The following CHD4 variants were observed in gnomAD, a reference collection of about 807,000 sequenced individuals.
The protein encoded by CHD4 is chromodomain helicase DNA binding protein 4, also known as ATP-dependent chromatin remodeler CHD4.
In CHD4, 35 loss-of-function variants were observed where a neutral mutation model predicts 235.5. The ratio of observed to expected loss-of-function variants is 0.15; its 90% CI spans 0.11 to 0.20. The LOEUF (loss-of-function observed/expected upper bound fraction) is 0.20, where lower values mean the gene tolerates loss of function less well. CHD4 is among the 10% of genes least tolerant of loss of function. The pLI is 1.00. For missense variants in CHD4, 1,329 were observed against 2,432.3 expected (o/e 0.55, Z 9.54); for synonymous variants, 900 against 850.2 (o/e 1.06, Z -1.02).
intron 25 of CHD4, among the ~76,000 whole-genome samples, chr12:6,586,385 A>G (rs1948295143): frequency 3.9e-5 from 6 of 152,186 alleles, no homozygotes; most frequent in Admixed American, 3.9e-4. Flanking sequence ...TGGGGGAGAG[A>G]GTGAGATTCC....
intron 12 of CHD4, among the ~76,000 whole-genome samples, chr12:6,596,526 G>A (rs533877061): frequency 2.0e-4 from 30 of 152,154 alleles, no homozygotes; most frequent in Non-Finnish European, 3.8e-4. Flanking sequence ...CAGGCCGGGC[G>A]CGGTGGCTCA....
Position 6,601,981 on chromosome 12 carries a change from C to A in CHD4, c.417G>T (p.Glu139Asp), listed in dbSNP as rs1639122. ...GCACCTTTGAATCATCATCATCATC[C>A]TCCTCCTCCTCCTCCTCCTTCCGCT... Reference protein sequence around the residue: ...KSKRKEEEEEEDDDDDSKEPK... With the variant: ...KSKRKEEEEEDDDDDDSKEPK... The change falls in exon 4 of 40, where the codon GAG (glutamate) becomes GAT (aspartate). Residue 139 changes from glutamate to aspartate, a missense_variant. This residue lies in a region of CHD4 where 213 missense variants were observed against 177.5 expected (regional missense o/e 1.20). Coordinates refer to ENST00000544040, the MANE Select transcript of CHD4 (RefSeq NM_001273.5). The A allele has an allele frequency of 0.43, 671,193 of 1,554,978 alleles. 133,688 individuals are homozygous for A. The highest frequency in any genetic ancestry group is 0.81 in the African/African-American group (59,314 of 72,872).
chr12:6,598,177 C>T (rs1948531691), intron 11 of CHD4, 45 bp downstream of exon 11: 2 of 1,609,548 alleles, frequency 1.2e-6, no homozygotes, highest in South Asian at 1.1e-5. Context: ...TTGTCACTAT[C>T]CTCTTCATCG....
At chr12:6,583,533 T>C (rs1948229718) in intron 25 of CHD4, 155 bp from the exon 26 acceptor site, 2 of 633,432 alleles carry the variant, frequency 3.2e-6, no homozygotes, top group South Asian at 2.1e-5. Context: ...AGAAGAAATT[T>C]GATTGAGAGT....
intron 10 of CHD4, among the ~76,000 whole-genome samples, chr12:6,599,037 T>C (rs955095676): frequency 6.6e-6 from 1 of 152,230 alleles, no homozygotes; most frequent in African/African-American, 2.4e-5. Flanking sequence ...ACAGAGCCAG[T>C]AGTTAGACTT....
rs939184945 is a variant in CHD4, at chr12:6,606,193, C to A, written c.100+81G>T. ...TCTGCACAGAGACAGCGGAGCAACA[C>A]AGCCCTGCCTCACCAGAGGAGTCAC... On this transcript the variant is annotated intron_variant, in intron 2 of 39. Coordinates refer to ENST00000544040, the MANE Select transcript of CHD4 (RefSeq NM_001273.5). The A allele has an allele frequency of 4.2e-6, 4 of 951,790 alleles. No individual in the cohort carries two copies. The East Asian group carries it at 1.1e-4, about 27-fold the overall frequency. 59.0% of individuals were successfully genotyped at this position (951,790 alleles called of 1,614,324 possible).
Position 6,577,812 on chromosome 12 carries a change from C to T in CHD4, c.5334G>A (p.Lys1778=), listed in dbSNP as rs747010374. ...EMNRGNFLEI[K]NKFLARRFKL... is the part of the protein sequence containing the mutation. ...TAAACCTTCGAGCTAGAAATTTATT[C>T]TTGATCTCTAAGAAATTGCCACGGT... is the stretch of plus-strand genomic sequence containing the variant. Residue 1778 remains lysine, a synonymous_variant, in exon 37 of 40, where the codon AAG becomes AAA. Coordinates refer to ENST00000544040, the MANE Select transcript of CHD4 (RefSeq NM_001273.5). The T allele has an allele frequency of 1.4e-5, 23 of 1,614,058 alleles. No homozygotes were observed. Among genetic ancestry groups the T allele is most frequent in the Non-Finnish European group, 1.9e-5 (23 of 1,180,048 alleles).
chr12:6,575,162 G>T (rs1342979467), intron 37 of CHD4, among the ~76,000 whole-genome samples: 1 of 152,144 alleles, frequency 6.6e-6, no homozygotes, highest in Non-Finnish European at 1.5e-5. Context: ...AATAGAAAAG[G>T]TGTGGTTGGG....
At chr12:6,578,268 T>A in intron 35 of CHD4, 131 bp from the exon 36 acceptor site, 1 of 1,366,176 alleles carries the variant, frequency 7.3e-7, no homozygotes, top group Non-Finnish European at 1.0e-6. Context: ...CTTCTGGCTT[T>A]CTCCACAGAA....
rs745351452 is a variant in CHD4, at chr12:6,602,191, G to A, written c.223-16C>T. The stretch of plus-strand genomic sequence containing the variant: ...AGAGCATACGCTGGAGCAGGGCAAG[G>A]GGGGAAGAGGGAGACAGACACACAC... On this transcript the variant is annotated splice_polypyrimidine_tract_variant and intron_variant, in intron 3 of 39. Coordinates refer to ENST00000544040, the MANE Select transcript of CHD4 (RefSeq NM_001273.5). The A allele has an allele frequency of 3.1e-6, 5 of 1,613,022 alleles. No individual in the cohort carries two copies. Among genetic ancestry groups the A allele is most frequent in the African/African-American group, 1.3e-5 (1 of 74,844 alleles).
chr12:6,580,380 T>A (rs1948159178), intron 33 of CHD4: 1 of 151,836 alleles, frequency 6.6e-6, no homozygotes, highest in Non-Finnish European at 1.5e-5. Flanking sequence ...AATTCACGAG[T>A]GACCATGGTT....
At chr12:6,597,570 C>G (rs1249327944) in intron 12 of CHD4, among the ~76,000 whole-genome samples, 1 of 152,078 alleles carries the variant, frequency 6.6e-6, no homozygotes, top group Non-Finnish European at 1.5e-5. Context: ...TCAAGACCAG[C>G]CTGGCCAGCA....
At chr12:6,583,507 T>C (rs1592266785) in intron 25 of CHD4, 129 bp from the exon 26 acceptor site, 1 of 777,168 alleles carries the variant, frequency 1.3e-6, no homozygotes, top group Non-Finnish European at 2.1e-6. Flanking sequence ...GTGTGCCTGT[T>C]TGGACCTAAG....
At chr12:6,600,133 C>T (rs1263478791) in intron 9 of CHD4, 84 bp downstream of exon 9, 115 of 1,579,128 alleles carry the variant, frequency 7.3e-5, no homozygotes, top group Non-Finnish European at 9.5e-5. Context: ...CCAGCATTTC[C>T]ATTTCCATCC....
intron 2 of CHD4, 145 bp downstream of exon 2, chr12:6,606,129 G>T: frequency 1.7e-6 from 1 of 581,590 alleles, no homozygotes; most frequent in Non-Finnish European, 3.0e-6. Context: ...GAGCTCCGCA[G>T]AAGGGAACCA....
intron 23 of CHD4, 141 bp downstream of exon 23, chr12:6,588,157 A>G: frequency 7.9e-7 from 1 of 1,263,316 alleles, no homozygotes; most frequent in Non-Finnish European, 1.1e-6. Context: ...ACTCTGGCTT[A>G]CAATAAGGTA....
chr12:6,581,923 C>A, intron 30 of CHD4, 109 bp from the exon 31 acceptor site: 1 of 1,351,306 alleles, frequency 7.4e-7, no homozygotes. Flanking sequence ...CTGCCTCAGC[C>A]TTCTGAGTAG....
intron 25 of CHD4, among the ~76,000 whole-genome samples, chr12:6,586,326 G>A (rs999605247): frequency 6.6e-5 from 10 of 151,240 alleles, no homozygotes; most frequent in African/African-American, 1.2e-4. Flanking sequence ...GCATGAACCC[G>A]GGAGGCAGAG....
intron 25 of CHD4, among the ~76,000 whole-genome samples, chr12:6,585,564 G>C (rs954195378): frequency 6.6e-6 from 1 of 151,792 alleles, no homozygotes; most frequent in Non-Finnish European, 1.5e-5. Flanking sequence ...TTACAGGCGT[G>C]AGCCACCACG....
Sources: allele counts gnomAD v4.1 joint callset (sites outside exome capture counted in the v4.1 genomes callset), GRCh38; gene constraint gnomAD v4.1.1; regional missense constraint gnomAD v4.1.1; transcripts MANE v1.5; gene names NCBI Gene and HGNC (gene_info 2026-07-23, HGNC 2026-07-21).